Variants in SGCE observed in about 807,000 individuals in gnomAD.
SGCE encodes the protein epsilon-sarcoglycan.
SGCE carries 26 observed loss-of-function variants against 57.8 expected under a neutral mutation model. The ratio of observed to expected loss-of-function variants is 0.45; its 90% CI spans 0.33 to 0.62. The LOEUF (loss-of-function observed/expected upper bound fraction) is 0.62, where lower values mean the gene tolerates loss of function less well. Among genes scored for constraint, SGCE ranks in the 20% least tolerant of loss-of-function variants. The probability of loss-of-function intolerance (pLI) is 0.02; values close to 1 mark genes in which losing one functional copy is unlikely to be tolerated. For missense variants in SGCE, 468 were observed against 548.6 expected (o/e 0.85, Z 1.47); for synonymous variants, 183 against 189.5 (o/e 0.97, Z 0.28).
intron 7 of SGCE, 121 bp from the exon 8 acceptor site, chr7:94,599,844 C>G: frequency 1.3e-6 from 1 of 783,186 alleles, no homozygotes; most frequent in Non-Finnish European, 2.2e-6. Flanking sequence ...TTAAATGCAA[C>G]CAGGCAGCAT....
At chr7:94,653,520 G>T (rs2117115032) in intron 1 of SGCE, among the ~76,000 whole-genome samples, 1 of 152,092 alleles carries the variant, frequency 6.6e-6, no homozygotes, top group African/African-American at 2.4e-5. Flanking sequence ...TCCAAAATAT[G>T]TTTAAAGTTC....
chr7:94,623,775 T>C (rs1803219594), intron 3 of SGCE: 2 of 388,164 alleles, frequency 5.2e-6, no homozygotes, highest in Admixed American at 8.7e-5. Context: ...TTAAATGGAG[T>C]TTAAGAATTA....
intron 1 of SGCE, among the ~76,000 whole-genome samples, chr7:94,652,880 G>A (rs1808093157): frequency 6.6e-6 from 1 of 152,064 alleles, no homozygotes; most frequent in Admixed American, 6.5e-5. Context: ...CATAGCAATT[G>A]TCATTAAAAA....
At chr7:94,609,000 G>A (rs1177411768) in intron 5 of SGCE, among the ~76,000 whole-genome samples, 1 of 152,120 alleles carries the variant, frequency 6.6e-6, no homozygotes, top group Non-Finnish European at 1.5e-5. Context: ...GATGACCTTG[G>A]ATTTGATGAT....
At chr7:94,593,236 C>A (rs955379564) in intron 9 of SGCE, among the ~76,000 whole-genome samples, 2 of 152,022 alleles carry the variant, frequency 1.3e-5, no homozygotes, top group African/African-American at 4.8e-5. Flanking sequence ...CAACCTATCT[C>A]CTGTTTTGAG....
intron 1 of SGCE, among the ~76,000 whole-genome samples, chr7:94,655,788 CA>C (rs1808561723): frequency 7.4e-6 from 1 of 134,852 alleles, no homozygotes; most frequent in Non-Finnish European, 1.6e-5. Context: ...AAAAAAAGGC[CA>C]GGGGTCAAGC....
chr7:94,610,614 T>A (rs901465390), intron 5 of SGCE, among the ~76,000 whole-genome samples: 1 of 152,108 alleles, frequency 6.6e-6, no homozygotes, highest in African/African-American at 2.4e-5. Flanking sequence ...TCTTAAAATA[T>A]GACACTAAAA....
intron 5 of SGCE, among the ~76,000 whole-genome samples, chr7:94,604,117 G>A (rs1325406351): frequency 5.3e-5 from 8 of 152,018 alleles, no homozygotes; most frequent in Admixed American, 3.9e-4. Flanking sequence ...GAATTATGGG[G>A]AAAGATCTCT....
chr7:94,607,321 A>G (rs1034792806), intron 5 of SGCE, among the ~76,000 whole-genome samples: 2 of 152,170 alleles, frequency 1.3e-5, no homozygotes, highest in African/African-American at 4.8e-5. Flanking sequence ...TTACCTTAAT[A>G]CCAAAACCAG....
At chr7:94,594,338 A>G (rs926514307) in intron 9 of SGCE, 4 of 152,098 alleles carry the variant, frequency 2.6e-5, no homozygotes, top group African/African-American at 4.8e-5. Flanking sequence ...ACTGCTATTA[A>G]TGGCAACACT....
At chr7:94,646,988 T>C (rs1807187915) in intron 1 of SGCE, among the ~76,000 whole-genome samples, 1 of 152,226 alleles carries the variant, frequency 6.6e-6, no homozygotes, top group Non-Finnish European at 1.5e-5. Context: ...ATCGTCCTCG[T>C]GTCTTTCCAT....
rs1808610935 is a variant in SGCE, at chr7:94,655,971, TCG to T, written c.109+17_109+18del. ...GCCTGTTGGCCCCGGGACCTCCACG[TCG>T]CGCGCAGGCCACTAACCTGTCAGCA... On this transcript the variant is annotated intron_variant, in intron 1 of 10. Transcript: ENST00000648936. The T allele has an allele frequency of 1.3e-6, 2 of 1,523,248 alleles. No individual in the cohort carries two copies. Among genetic ancestry groups the T allele is most frequent in the African/African-American group, 1.4e-5 (1 of 73,252 alleles). 94.4% of individuals were successfully genotyped at this position (1,523,248 alleles called of 1,614,324 possible).
intron 1 of SGCE, among the ~76,000 whole-genome samples, chr7:94,630,116 A>G (rs895264451): frequency 6.6e-6 from 1 of 152,000 alleles, no homozygotes; most frequent in African/African-American, 2.4e-5. Context: ...ACTGTTATCA[A>G]ATAATGAAGC....
intron 4 of SGCE, chr7:94,619,720 A>G (rs1802483700): frequency 6.6e-6 from 1 of 152,222 alleles, no homozygotes; most frequent in Admixed American, 6.5e-5. Context: ...AGGCAGGCCA[A>G]GCTAGGGGAC....
At chr7:94,629,049 C>A (rs891633764) in intron 2 of SGCE, 1 of 152,110 alleles carries the variant, frequency 6.6e-6, no homozygotes, top group African/African-American at 2.4e-5. Context: ...TATATCAATT[C>A]TAATGCTAAA....
intron 2 of SGCE, chr7:94,629,165 A>C (rs1259304471): frequency 6.6e-6 from 1 of 152,274 alleles, no homozygotes; most frequent in Non-Finnish European, 1.5e-5. Flanking sequence ...TATCTTCATT[A>C]ACTTGATGGC....
At chr7:94,633,540 T>C (rs1269863290) in intron 1 of SGCE, among the ~76,000 whole-genome samples, 2 of 152,058 alleles carry the variant, frequency 1.3e-5, no homozygotes, top group African/African-American at 2.4e-5. Context: ...TCACAGGGTA[T>C]AGAATCTGCA....
chr7:94,619,516 A>G (rs1802444590), intron 4 of SGCE: 2 of 152,222 alleles, frequency 1.3e-5, no homozygotes, highest in Admixed American at 6.5e-5. Flanking sequence ...TCTTAAAACA[A>G]CCCCATGTCA....
intron 6 of SGCE, among the ~76,000 whole-genome samples, chr7:94,602,897 A>G (rs1175179729): frequency 6.6e-6 from 1 of 152,076 alleles, no homozygotes; most frequent in Admixed American, 6.6e-5. Flanking sequence ...ATACTGCTTT[A>G]TTTTCAGATT....
Sources: gnomAD v4.1 joint callset for allele counts (sites outside exome capture counted in the v4.1 genomes callset) on GRCh38, gnomAD v4.1.1 for gene constraint, MANE v1.5 for transcripts, NCBI Gene and HGNC (gene_info 2026-07-23, HGNC 2026-07-21) for gene names.